The following CALD1 variants were observed in gnomAD, a reference collection of about 807,000 sequenced individuals.
The protein encoded by CALD1 is caldesmon.
Under a neutral mutation model 99.9 loss-of-function variants are expected in CALD1, and 33 were observed. That is an observed-to-expected ratio of 0.33 (90% CI 0.25 to 0.44). The LOEUF (loss-of-function observed/expected upper bound fraction) is 0.44, where lower values mean the gene tolerates loss of function less well. Ranked by LOEUF, CALD1 falls within the 20% of genes least tolerant of loss-of-function variation. The pLI, the probability that CALD1 is intolerant of heterozygous loss-of-function variation, is 1.00. For missense variants in CALD1, 861 were observed against 962.1 expected (o/e 0.89, Z 1.39); for synonymous variants, 310 against 325.0 (o/e 0.95, Z 0.50).
the CALD1 span, among the ~76,000 whole-genome samples, chr7:134,732,199 T>A: frequency 6.6e-6 from 1 of 152,216 alleles, no homozygotes; most frequent in Non-Finnish European, 1.5e-5. Flanking sequence ...AGCTGCAACT[T>A]ATACCTGACA....
chr7:134,826,793 G>A (rs191632447), intron 1 of CALD1, among the ~76,000 whole-genome samples: 1 of 152,238 alleles, frequency 6.6e-6, no homozygotes, highest in East Asian at 1.9e-4. Context: ...AAAGAGATAA[G>A]GTGGTGGGAT....
chr7:134,808,685 C>A (rs1050584099), intron 1 of CALD1, among the ~76,000 whole-genome samples: 4 of 152,206 alleles, frequency 2.6e-5, no homozygotes, highest in Non-Finnish European at 5.9e-5. Flanking sequence ...TGAACACCCA[C>A]TCATTTGCCT....
chr7:134,946,670 C>CT lies in CALD1; in HGVS notation c.1533-824dup, dbSNP rs1350114663. 5.7e-3 allele frequency among the ~76,000 whole-genome samples: 818 copies of CT among 143,022 alleles called. 5 individuals carry two copies. The highest frequency in any genetic ancestry group is 0.014 in the African/African-American group (530 of 39,200). The allele number at this position is 143,022 out of a possible 152,430, so 93.8% of individuals were successfully genotyped here. A position where few individuals can be genotyped will look rare whatever the true frequency, so the allele number is the denominator to read the frequency against. On this transcript the variant is annotated intron_variant, in intron 7 of 14. Transcript: ENST00000361675. ...TGTAACAGGTAACAAGATCTCCTTC[C>CT]TTTTTTTTTTTTTTCTCTTTTTTTC...
chr7:134,719,255 G>GAGA, the CALD1 span, among the ~76,000 whole-genome samples: 2 of 152,110 alleles, frequency 1.3e-5, no homozygotes, highest in African/African-American at 4.8e-5. Flanking sequence ...GAAGGAAAGG[G>GAGA]AGAAGTGAAG....
chr7:134,914,060 C>T (rs376697227), intron 3 of CALD1, among the ~76,000 whole-genome samples: 24 of 152,244 alleles, frequency 1.6e-4, no homozygotes, highest in African/African-American at 5.5e-4. Flanking sequence ...AGCTTGAATT[C>T]GAAATAATGT....
intron 9 of CALD1, among the ~76,000 whole-genome samples, chr7:134,957,403 T>G (rs1180637968): frequency 6.8e-6 from 1 of 147,008 alleles, no homozygotes; most frequent in Non-Finnish European, 1.5e-5. Context: ...AAAAAATTAT[T>G]TGTTTGTTGT....
At chr7:134,907,718 C>T (rs1006642543) in intron 3 of CALD1, among the ~76,000 whole-genome samples, 6 of 152,128 alleles carry the variant, frequency 3.9e-5, no homozygotes, top group Middle Eastern at 3.2e-3. Flanking sequence ...CAAATGGATT[C>T]TCCTCCCTAC....
At chr7:134,788,488 C>G (rs1443289553) in intron 1 of CALD1, among the ~76,000 whole-genome samples, 2 of 152,178 alleles carry the variant, frequency 1.3e-5, no homozygotes, top group Non-Finnish European at 2.9e-5. Context: ...AAATTAGCCT[C>G]TGCATTGGAG....
chr7:134,791,377 T>C (rs1797526612), intron 1 of CALD1, among the ~76,000 whole-genome samples: 1 of 152,194 alleles, frequency 6.6e-6, no homozygotes, highest in African/African-American at 2.4e-5. Flanking sequence ...TTTGTATTTT[T>C]AGTAGAGACG....
intron 1 of CALD1, among the ~76,000 whole-genome samples, chr7:134,788,758 T>C (rs1364582551): frequency 6.6e-6 from 1 of 152,190 alleles, no homozygotes; most frequent in African/African-American, 2.4e-5. Flanking sequence ...CTCGTGCCTG[T>C]AGTCCCAGCA....
intron 3 of CALD1, among the ~76,000 whole-genome samples, chr7:134,875,144 A>G (rs1404850337): frequency 1.3e-5 from 2 of 152,368 alleles, no homozygotes; most frequent in South Asian, 2.1e-4. Context: ...GTTCTCTCAG[A>G]AAACTGATCA....
At chr7:134,904,032 G>T (rs1803187698) in intron 3 of CALD1, among the ~76,000 whole-genome samples, 1 of 151,958 alleles carries the variant, frequency 6.6e-6, no homozygotes, top group Non-Finnish European at 1.5e-5. Flanking sequence ...AGACCAGCCT[G>T]GTCAACATGG....
At chr7:134,835,322 A>G (rs1799389407) in intron 1 of CALD1, among the ~76,000 whole-genome samples, 1 of 152,168 alleles carries the variant, frequency 6.6e-6, no homozygotes, top group African/African-American at 2.4e-5. Context: ...ATTAGGTCTT[A>G]CTGCACAGCT....
At chr7:134,714,633 C>A in the CALD1 span, among the ~76,000 whole-genome samples, 1 of 152,226 alleles carries the variant, frequency 6.6e-6, no homozygotes. Context: ...GCTCCTTGCA[C>A]AATAGAGCTA....
rs9942716 is a variant in CALD1, at chr7:134,949,303, A to G, written c.1795-1071A>G. ...CTTCTGTGACATCCTCTGACAGATG[A>G]ACATCTAGTCTCTGCTTGAGAACAT... On this transcript the variant is annotated intron_variant, in intron 8 of 14. Transcript: ENST00000361675. 7.5e-3 allele frequency among the ~76,000 whole-genome samples: 1,135 copies of G among 152,262 alleles called. 15 individuals are homozygous for G. Among genetic ancestry groups the G allele is most frequent in the African/African-American group, 0.026 (1,087 of 41,554 alleles).
At chr7:134,919,932 AT>A (rs920038632) in intron 3 of CALD1, among the ~76,000 whole-genome samples, 7 of 152,096 alleles carry the variant, frequency 4.6e-5, no homozygotes, top group East Asian at 1.9e-4. Context: ...TATTTTCTTG[AT>A]TTTTTTTCCT....
the CALD1 span, among the ~76,000 whole-genome samples, chr7:134,711,730 CTCTCTCTG>C: frequency 6.7e-4 from 75 of 112,514 alleles, no homozygotes; most frequent in Non-Finnish European, 1.2e-3. Context: ...GTGTGTGTCT[CTCTCTCTG>C]TCTCTGTCTG....
intron 1 of CALD1, among the ~76,000 whole-genome samples, chr7:134,823,591 G>A (rs1442391881): frequency 6.6e-6 from 1 of 152,094 alleles, no homozygotes; most frequent in East Asian, 1.9e-4. Flanking sequence ...AAATCCTGTG[G>A]AATAAAGATG....
chr7:134,713,281 T>G, the CALD1 span, among the ~76,000 whole-genome samples: 1 of 152,264 alleles, frequency 6.6e-6, no homozygotes, highest in Non-Finnish European at 1.5e-5. Context: ...CAAATTTACC[T>G]GACCTAGCCC....
Sources: gnomAD v4.1 joint callset for allele counts (sites outside exome capture counted in the v4.1 genomes callset) on GRCh38, gnomAD v4.1.1 for gene constraint, MANE v1.5 for transcripts, NCBI Gene and HGNC (gene_info 2026-07-23, HGNC 2026-07-21) for gene names.